The following LRRC74B variants were observed in gnomAD, a reference collection of about 807,000 sequenced individuals.
LRRC74B encodes the protein leucine-rich repeat-containing protein 74B.
Under a neutral mutation model 16.6 loss-of-function variants are expected in LRRC74B, and 30 were observed. The ratio of observed to expected loss-of-function variants is 1.80; its 90% CI spans 1.35 to 2.45. The LOEUF is 2.45. Ranked by LOEUF, LRRC74B falls within the 30% of genes most tolerant of loss-of-function variation. The pLI is 0.00. For synonymous variants in LRRC74B, 134 were observed against 86.0 expected (o/e 1.56, Z -3.09); for missense variants, 326 against 202.4 (o/e 1.61, Z -3.71).
At chr22:21,046,889 C>T (rs1229185836) in intron 1 of LRRC74B, among the ~76,000 whole-genome samples, 3 of 151,796 alleles carry the variant, frequency 2.0e-5, no homozygotes, top group Non-Finnish European at 4.4e-5. Flanking sequence ...GTCAGGAGTT[C>T]GAGACCAGCC....
intron 1 of LRRC74B, among the ~76,000 whole-genome samples, chr22:21,046,607 T>C (rs1484551660): frequency 1.3e-5 from 2 of 151,926 alleles, no homozygotes; most frequent in Non-Finnish European, 2.9e-5. Context: ...CTTGGGCTCA[T>C]ATTTATTAAT....
chr22:21,054,164 C>G lies in LRRC74B; in HGVS notation c.848+689C>G, dbSNP rs115666118. Among the ~76,000 whole-genome samples the G allele has an allele frequency of 4.0e-3, 609 of 152,234 alleles. 8 individuals are homozygous for G. The highest frequency in any genetic ancestry group is 0.013 in the African/African-American group (550 of 41,520). On this transcript the variant is annotated intron_variant, in intron 6 of 8. Coordinates refer to ENST00000442047, the Ensembl canonical transcript of LRRC74B. ...AATATAGCATGACTCCATCTCTATG[C>G]GAAATCTAAAAATTGTCCATTTCCG... is the stretch of plus-strand genomic sequence containing the variant.
intron 3 of LRRC74B, 37 bp downstream of exon 3, chr22:21,048,053 C>G (rs1417763903): frequency 1.4e-6 from 1 of 716,086 alleles, no homozygotes; most frequent in South Asian, 1.5e-5. Context: ...GCAGGCGTGT[C>G]CTCCTTTTCC....
rs1211483967 is a variant in LRRC74B, at chr22:21,053,489, G to C, written c.848+14G>C. 7.0e-6 allele frequency: 5 copies of C among 715,584 alleles called. No homozygotes were observed. In the Admixed American group the frequency reaches 1.0e-4, roughly 14 times the overall value. The allele number at this position is 715,584 out of a possible 1,614,324, so 44.3% of individuals were successfully genotyped here. ...ACTCAACATGAGGTGAGGATCCCCG[G>C]GGGGACACCCCAGGAATCATGGGCT... On this transcript the variant is annotated intron_variant, in intron 6 of 8. Coordinates refer to ENST00000442047, the Ensembl canonical transcript of LRRC74B.
At chr22:21,049,004 G>A in exon 4 of LRRC74B, 3 of 716,002 alleles carry the variant, frequency 4.2e-6, no homozygotes, top group East Asian at 2.7e-5. Context: ...GGCCCTCTGT[G>A]CCGCCCTCAC....
chr22:21,052,687 T>C (rs1332278651), intron 5 of LRRC74B, among the ~76,000 whole-genome samples: 1 of 152,220 alleles, frequency 6.6e-6, no homozygotes. Flanking sequence ...TTTCCTGAGA[T>C]GACACCTTGC....
intron 3 of LRRC74B, chr22:21,048,671 C>A (rs1484526684): frequency 4.4e-6 from 2 of 449,564 alleles, no homozygotes; most frequent in Non-Finnish European, 8.1e-6. Flanking sequence ...CCAGATGCAG[C>A]CATCGACGGT....
At chr22:21,061,777 A>G (rs935693566), downstream of LRRC74B, 1 of 152,166 alleles carries the variant, frequency 6.6e-6, no homozygotes, top group Non-Finnish European at 1.5e-5. Context: ...TCGTGCATGA[A>G]TATCCATAGC....
intron 4 of LRRC74B, among the ~76,000 whole-genome samples, chr22:21,051,647 A>G (rs1051482288): frequency 3.0e-4 from 45 of 152,136 alleles, no homozygotes; most frequent in Non-Finnish European, 1.5e-5. Context: ...ATCCAGCCTC[A>G]TCACTTCCTA....
intron 7 of LRRC74B, chr22:21,056,596 G>GCACGCA (rs1555952677): frequency 7.1e-6 from 1 of 140,230 alleles, no homozygotes; most frequent in Non-Finnish European, 1.5e-5. Context: ...CAAGCTTGGA[G>GCACGCA]CACACACACA....
At chr22:21,051,969 T>C (rs1569197764) in intron 4 of LRRC74B, among the ~76,000 whole-genome samples, 2 of 152,194 alleles carry the variant, frequency 1.3e-5, no homozygotes, top group Non-Finnish European at 2.9e-5. Flanking sequence ...TCCTGAGTTA[T>C]CTCCTCTGTC....
chr22:21,049,788 G>T (rs1929837833), intron 4 of LRRC74B, among the ~76,000 whole-genome samples: 1 of 152,132 alleles, frequency 6.6e-6, no homozygotes. Context: ...TTTGTTTCAA[G>T]TGAGGTAGCG....
intron 4 of LRRC74B, among the ~76,000 whole-genome samples, chr22:21,050,909 A>G (rs1402789812): frequency 6.6e-6 from 1 of 151,268 alleles, no homozygotes; most frequent in Non-Finnish European, 1.5e-5. Flanking sequence ...ACTGGGCAAC[A>G]TAGGGAGCCC....
chr22:21,056,029 G>T (rs1930496073), intron 7 of LRRC74B, among the ~76,000 whole-genome samples: 1 of 152,054 alleles, frequency 6.6e-6, no homozygotes, highest in Admixed American at 6.6e-5. Flanking sequence ...CCCACCTTCT[G>T]CAGGGGCTCA....
intron 3 of LRRC74B, chr22:21,048,678 C>T (rs1472196152): frequency 4.3e-5 from 20 of 467,628 alleles, no homozygotes; most frequent in Middle Eastern, 1.1e-3. Context: ...CAGCCATCGA[C>T]GGTATAGCTG....
intron 8 of LRRC74B, among the ~76,000 whole-genome samples, chr22:21,057,786 G>A (rs1601822793): frequency 6.9e-6 from 1 of 144,094 alleles, no homozygotes; most frequent in Admixed American, 7.1e-5. Context: ...CCTGGCTAAA[G>A]TTTTTAGAGA....
intron 7 of LRRC74B, chr22:21,056,742 T>TA: frequency 4.0e-6 from 1 of 249,958 alleles, no homozygotes. Context: ...CCTGCCCAGA[T>TA]ACACCTCCCC....
intron 1 of LRRC74B, among the ~76,000 whole-genome samples, chr22:21,046,798 T>C (rs1929476627): frequency 1.3e-5 from 2 of 152,012 alleles, no homozygotes; most frequent in African/African-American, 4.8e-5. Context: ...CTGGCTAATA[T>C]AAAAATTTTT....
chr22:21,050,778 A>C lies in LRRC74B; in HGVS notation c.623-1471A>C, dbSNP rs796740648. ...GGGCGAAAGAGCGAGACTCTGTCTC[A>C]AAAAAAAAAAAAAAAAAAAAAAAGT... On this transcript the variant is annotated intron_variant, in intron 4 of 8. Coordinates refer to ENST00000442047, the Ensembl canonical transcript of LRRC74B. 5.9e-3 allele frequency among the ~76,000 whole-genome samples: 142 copies of C among 23,988 alleles called. 1 individual carries two copies. The highest frequency in any genetic ancestry group is 0.013 in the African/African-American group (139 of 11,054). The allele number at this position is 23,988 out of a possible 152,430, so 15.7% of individuals were successfully genotyped here.
Sources: allele counts gnomAD v4.1 joint callset (sites outside exome capture counted in the v4.1 genomes callset), GRCh38; gene constraint gnomAD v4.1.1; transcripts MANE v1.5; gene names NCBI Gene and HGNC (gene_info 2026-07-23, HGNC 2026-07-21).